Variants in LRMDA observed in about 807,000 individuals in gnomAD.
The protein encoded by LRMDA is leucine rich melanocyte differentiation associated.
LRMDA carries 18 observed loss-of-function variants against 29.8 expected under a neutral mutation model. The ratio of observed to expected loss-of-function variants is 0.60; its 90% CI spans 0.42 to 0.90. The LOEUF is 0.90. Among genes scored for constraint, LRMDA ranks in the 40% least tolerant of loss-of-function variants. The pLI, the probability that LRMDA is intolerant of heterozygous loss-of-function variation, is 0.00. For missense variants in LRMDA, 273 were observed against 273.9 expected (o/e 1.00, Z 0.02); for synonymous variants, 125 against 109.4 (o/e 1.14, Z -0.89).
chr10:76,474,487 G>A (rs1842647836), intron 6 of LRMDA, among the ~76,000 whole-genome samples: 1 of 151,236 alleles, frequency 6.6e-6, no homozygotes, highest in Non-Finnish European at 1.5e-5. Context: ...ATCTGATAAG[G>A]TATCCAAAAT....
At position 75,952,486 on chromosome 10, in the gene LRMDA, G is replaced by T. The variant is rs548976555; in HGVS notation, c.132-83522G>T. On this transcript the variant is annotated intron_variant, in intron 2 of 6. Transcript: ENST00000611255. ...AATGGGTTTCTTCAGATACGTTTGT[G>T]TTCTCTCCCACTCTCTCTCTCTCTG... Among the ~76,000 whole-genome samples, 12 of 152,236 alleles carry T rather than the reference G, an allele frequency of 7.9e-5. No homozygotes were observed. The East Asian group carries it at 2.1e-3, about 27-fold the overall frequency.
At chr10:75,712,415 A>G (rs1315084825) in intron 2 of LRMDA, among the ~76,000 whole-genome samples, 1 of 35,396 alleles carries the variant, frequency 2.8e-5, no homozygotes. Context: ...ATCCGGAAGC[A>G]GGGAGGTGGC....
At chr10:75,689,758 G>A (rs1017280545) in intron 2 of LRMDA, among the ~76,000 whole-genome samples, 5 of 152,164 alleles carry the variant, frequency 3.3e-5, no homozygotes, top group East Asian at 1.9e-4. Context: ...CTCCCAAGAC[G>A]AGAGGTTTTC....
chr10:76,504,498 G>A lies in LRMDA; in HGVS notation c.602-52711G>A, dbSNP rs185176038. Among the ~76,000 whole-genome samples the A allele has an allele frequency of 1.2e-3, 182 of 152,112 alleles. 1 individual carries two copies. Among genetic ancestry groups the A allele is most frequent in the African/African-American group, 4.2e-3 (173 of 41,552 alleles). ...GTTTTATGAATCTGGATGCTCCAATGTTGGGTACATATATGTTTATGATAG... is the reference window on the plus strand; with the variant it reads ...GTTTTATGAATCTGGATGCTCCAATATTGGGTACATATATGTTTATGATAG... On this transcript the variant is annotated intron_variant, in intron 6 of 6. Coordinates refer to ENST00000611255, the MANE Select transcript of LRMDA (RefSeq NM_001305581.2).
intron 2 of LRMDA, among the ~76,000 whole-genome samples, chr10:76,027,002 T>C (rs1848073839): frequency 6.6e-6 from 1 of 152,240 alleles, no homozygotes; most frequent in Non-Finnish European, 1.5e-5. Context: ...TAATTTTCTA[T>C]TTGTTTTTGA....
intron 2 of LRMDA, among the ~76,000 whole-genome samples, chr10:75,483,335 T>C (rs1589156381): frequency 6.6e-6 from 1 of 152,304 alleles, no homozygotes; most frequent in East Asian, 1.9e-4. Context: ...ATTTCTACAT[T>C]AGAAACAGAG....
chr10:76,427,682 C>A (rs896493595), intron 6 of LRMDA, among the ~76,000 whole-genome samples: 44 of 152,008 alleles, frequency 2.9e-4, no homozygotes, highest in African/African-American at 8.2e-4. Flanking sequence ...GTCTTGTGCC[C>A]GTTTTCAAAG....
intron 5 of LRMDA, among the ~76,000 whole-genome samples, chr10:76,159,954 T>C (rs986253328): frequency 1.3e-5 from 2 of 152,164 alleles, no homozygotes; most frequent in East Asian, 1.9e-4. Context: ...TGATGACTGA[T>C]ACATGTCATG....
chr10:76,416,958 A>G (rs1024786599), intron 6 of LRMDA, among the ~76,000 whole-genome samples: 2 of 152,224 alleles, frequency 1.3e-5, no homozygotes, highest in African/African-American at 4.8e-5. Flanking sequence ...GACGAGGCAT[A>G]GTGCATCTCC....
chr10:76,417,610 A>T (rs1842030501), intron 6 of LRMDA, among the ~76,000 whole-genome samples: 1 of 152,176 alleles, frequency 6.6e-6, no homozygotes, highest in Non-Finnish European at 1.5e-5. Flanking sequence ...TTACTTTTAA[A>T]TTTTCTATAA....
At chr10:76,154,131 C>T (rs908481544) in intron 5 of LRMDA, among the ~76,000 whole-genome samples, 3 of 152,154 alleles carry the variant, frequency 2.0e-5, no homozygotes, top group African/African-American at 7.2e-5. Flanking sequence ...GATAGAACCC[C>T]TTTTCTTTCT....
chr10:76,343,813 A>ATTTTTTT (rs5786231), intron 6 of LRMDA, among the ~76,000 whole-genome samples: 2 of 126,664 alleles, frequency 1.6e-5, no homozygotes, highest in Non-Finnish European at 1.6e-5. Context: ...TTTACAGGTG[A>ATTTTTTT]TTTTTTTTTT....
intron 2 of LRMDA, among the ~76,000 whole-genome samples, chr10:75,694,041 G>A (rs962283944): frequency 6.6e-6 from 1 of 152,178 alleles, no homozygotes; most frequent in Non-Finnish European, 1.5e-5. Context: ...AATGCAAAAT[G>A]CATTGTGATT....
chr10:76,426,179 C>T (rs936770324), intron 6 of LRMDA, among the ~76,000 whole-genome samples: 29 of 152,236 alleles, frequency 1.9e-4, no homozygotes, highest in African/African-American at 6.8e-4. Context: ...AATCACCACA[C>T]TGACTTCCAC....
chr10:75,627,548 C>G lies in LRMDA; in HGVS notation c.131+189054C>G, dbSNP rs374678785. ...GGATTGATGAGTCTGGCTGTTCAAA[C>G]ACAGTCCATACAGACTCCACAGAAG... On this transcript the variant is annotated intron_variant, in intron 2 of 6. Transcript: ENST00000611255. Among the ~76,000 whole-genome samples, 6 of 152,202 alleles carry G rather than the reference C, an allele frequency of 3.9e-5. No homozygotes were observed. In the East Asian group the frequency reaches 9.6e-4, roughly 24 times the overall value.
intron 2 of LRMDA, among the ~76,000 whole-genome samples, chr10:75,719,085 A>G (rs1342124260): frequency 2.0e-5 from 3 of 152,258 alleles, no homozygotes; most frequent in Admixed American, 6.5e-5. Context: ...TTCCCCAAAG[A>G]TATAGTCCTA....
Position 75,432,272 on chromosome 10 carries a change from G to A in LRMDA, c.30+518G>A, listed in dbSNP as rs192868167. Among the ~76,000 whole-genome samples the A allele has an allele frequency of 8.5e-5, 13 of 152,348 alleles. No individual in the cohort carries two copies. In the East Asian group the frequency reaches 2.5e-3, roughly 29 times the overall value. Reference sequence around the variant, plus strand: ...AAAGTCCCAGCACATCCCTGGAGATGAGGGTGCTGGTGGGCCCTGCGCTGA... The same window carrying A: ...AAAGTCCCAGCACATCCCTGGAGATAAGGGTGCTGGTGGGCCCTGCGCTGA... On this transcript the variant is annotated intron_variant, in intron 1 of 6. Transcript: ENST00000611255.
chr10:75,653,414 T>G (rs2132128416), intron 2 of LRMDA, among the ~76,000 whole-genome samples: 1 of 152,328 alleles, frequency 6.6e-6, no homozygotes, highest in South Asian at 2.1e-4. Context: ...TGTCCCCTTC[T>G]TGTTTAGGTA....
At chr10:76,110,811 G>T (rs746809485) in intron 5 of LRMDA, among the ~76,000 whole-genome samples, 1 of 152,058 alleles carries the variant, frequency 6.6e-6, no homozygotes, top group Non-Finnish European at 1.5e-5. Flanking sequence ...TTTCTTCCCA[G>T]TCTCAGGTAT....
Sources: allele counts gnomAD v4.1 joint callset (sites outside exome capture counted in the v4.1 genomes callset), GRCh38; gene constraint gnomAD v4.1.1; transcripts MANE v1.5; gene names NCBI Gene and HGNC (gene_info 2026-07-23, HGNC 2026-07-21).